The following RBFOX1 variants were observed in gnomAD, a reference collection of about 807,000 sequenced individuals.
RBFOX1 encodes RNA binding protein fox-1 homolog 1.
RBFOX1 carries 8 observed loss-of-function variants against 57.7 expected under a neutral mutation model. The ratio of observed to expected loss-of-function variants is 0.14; its 90% CI spans 0.08 to 0.25. The LOEUF (loss-of-function observed/expected upper bound fraction) is 0.25, where lower values mean the gene tolerates loss of function less well. RBFOX1 is among the 10% of genes least tolerant of loss of function. The pLI, the probability that RBFOX1 is intolerant of heterozygous loss-of-function variation, is 1.00. For synonymous variants in RBFOX1, 326 were observed against 222.4 expected, an observed-to-expected ratio of 1.47 and a Z score of -4.15; for missense variants, 611 against 548.5, an observed-to-expected ratio of 1.11 and a Z score of -1.14.
In RBFOX1 at chr16:6,904,273, C is replaced by A. The variant is rs6500868; in HGVS notation, c.-15-147784C>A. Among the ~76,000 whole-genome samples the A allele has an allele frequency of 3.3e-5, 5 of 152,080 alleles. No homozygotes were observed. In the South Asian group the frequency reaches 1.0e-3, roughly 32 times the overall value. The stretch of plus-strand genomic sequence containing the variant: ...AGGGACTTCTGTTGTTGAACCTGTT[C>A]TCTGTGAGGCACGAGTGGTAGGCTT... On this transcript the variant is annotated intron_variant, in intron 3 of 15. Transcript: ENST00000550418.
intron 1 of RBFOX1, among the ~76,000 whole-genome samples, chr16:5,305,132 G>T (rs1222226274): frequency 6.6e-6 from 1 of 152,160 alleles, no homozygotes; most frequent in Non-Finnish European, 1.5e-5. Flanking sequence ...GTCTGAACGG[G>T]TAGCCTTACA....
At chr16:5,779,043 C>A (rs1215828198) in intron 3 of RBFOX1, among the ~76,000 whole-genome samples, 3 of 152,150 alleles carry the variant, frequency 2.0e-5, no homozygotes, top group Admixed American at 6.5e-5. Flanking sequence ...CAACCTATTA[C>A]TAGAAAAATC....
At chr16:7,344,039 C>T (rs9930601) in intron 4 of RBFOX1, among the ~76,000 whole-genome samples, 3 of 150,658 alleles carry the variant, frequency 2.0e-5, no homozygotes, top group African/African-American at 4.9e-5. Flanking sequence ...AAGCCAATAC[C>T]TTCTACTGGC....
chr16:5,347,139 A>G (rs1161283932), intron 1 of RBFOX1, among the ~76,000 whole-genome samples: 3 of 151,944 alleles, frequency 2.0e-5, no homozygotes, highest in African/African-American at 7.3e-5. Flanking sequence ...GGCACCTGAT[A>G]TCTCCCCTTC....
At chr16:5,292,134 A>G (rs762995836) in intron 1 of RBFOX1, among the ~76,000 whole-genome samples, 4 of 152,212 alleles carry the variant, frequency 2.6e-5, no homozygotes, top group Admixed American at 6.5e-5. Context: ...AAGAAAGCAT[A>G]TTAAATTAAT....
chr16:7,416,733 T>C (rs1439126926), intron 4 of RBFOX1, among the ~76,000 whole-genome samples: 1 of 152,146 alleles, frequency 6.6e-6, no homozygotes, highest in Non-Finnish European at 1.5e-5. Context: ...GGGATGTTTT[T>C]TTTTCTTTCC....
At chr16:6,785,616 A>C (rs1246463959) in intron 3 of RBFOX1, among the ~76,000 whole-genome samples, 1 of 152,168 alleles carries the variant, frequency 6.6e-6, no homozygotes, top group African/African-American at 2.4e-5. Context: ...CTTTGTTTTC[A>C]ACTGCACAAT....
At chr16:7,270,161 C>G (rs2095282966) in intron 4 of RBFOX1, among the ~76,000 whole-genome samples, 1 of 152,160 alleles carries the variant, frequency 6.6e-6, no homozygotes, top group African/African-American at 2.4e-5. Flanking sequence ...GCAATGGGAA[C>G]CTTGAGTCTG....
At chr16:7,455,557 C>T (rs145493031) in intron 4 of RBFOX1, among the ~76,000 whole-genome samples, 47 of 151,766 alleles carry the variant, frequency 3.1e-4, no homozygotes, top group African/African-American at 9.4e-4. Flanking sequence ...ATTGAGAGGC[C>T]GAGGAGGGCA....
chr16:7,533,659 A>T (rs1396587298), intron 5 of RBFOX1, among the ~76,000 whole-genome samples: 2 of 152,220 alleles, frequency 1.3e-5, no homozygotes, highest in Admixed American at 1.3e-4. Context: ...TATCTCATGC[A>T]CTTTATTATG....
At chr16:7,463,557 G>A (rs1249369763) in intron 4 of RBFOX1, among the ~76,000 whole-genome samples, 3 of 152,122 alleles carry the variant, frequency 2.0e-5, no homozygotes, top group Non-Finnish European at 4.4e-5. Flanking sequence ...CCCTTATGAT[G>A]TAATCACCTC....
At chr16:6,624,553 C>A (rs891319774) in intron 2 of RBFOX1, among the ~76,000 whole-genome samples, 3 of 152,100 alleles carry the variant, frequency 2.0e-5, no homozygotes, top group African/African-American at 7.2e-5. Context: ...TGTCCCTTGG[C>A]AGTGAGGACG....
At chr16:6,140,936 A>C (rs1211806948) in intron 1 of RBFOX1, among the ~76,000 whole-genome samples, 1 of 152,216 alleles carries the variant, frequency 6.6e-6, no homozygotes, top group Admixed American at 6.5e-5. Context: ...TCCAGTGGTC[A>C]ATGTGTAGTC....
intron 3 of RBFOX1, among the ~76,000 whole-genome samples, chr16:7,051,003 A>G (rs59018171): frequency 0.018 from 2,793 of 152,256 alleles, 82 homozygotes; most frequent in African/African-American, 0.063. Flanking sequence ...CAAACTTTGT[A>G]TACAAAATGC....
chr16:7,520,422 C>T (rs1242650478), intron 5 of RBFOX1, among the ~76,000 whole-genome samples: 1 of 152,192 alleles, frequency 6.6e-6, no homozygotes, highest in African/African-American at 2.4e-5. Flanking sequence ...AGCAGACACT[C>T]CCCATTCTCC....
chr16:5,577,486 T>A (rs1444100674), intron 2 of RBFOX1, among the ~76,000 whole-genome samples: 1 of 152,128 alleles, frequency 6.6e-6, no homozygotes, highest in Non-Finnish European at 1.5e-5. Flanking sequence ...CCTGTGAGCT[T>A]TTTCCTCCCC....
intron 2 of RBFOX1, among the ~76,000 whole-genome samples, chr16:6,444,618 G>A (rs554856885): frequency 1.2e-4 from 19 of 152,240 alleles, no homozygotes; most frequent in Admixed American, 3.9e-4. Flanking sequence ...ATGTGGAACT[G>A]TAAGTCCATT....
intron 3 of RBFOX1, among the ~76,000 whole-genome samples, chr16:6,892,014 T>G (rs1052210653): frequency 6.6e-6 from 1 of 152,212 alleles, no homozygotes; most frequent in Non-Finnish European, 1.5e-5. Flanking sequence ...AAGAATCTTC[T>G]GTGTTGCCTA....
chr16:5,486,330 G>C (rs373399127), intron 2 of RBFOX1, among the ~76,000 whole-genome samples: 13 of 152,312 alleles, frequency 8.5e-5, no homozygotes, highest in African/African-American at 2.6e-4. Context: ...GTAGCTTCCT[G>C]TTCTCCATCT....
Sources: allele counts gnomAD v4.1 joint callset (sites outside exome capture counted in the v4.1 genomes callset), GRCh38; gene constraint gnomAD v4.1.1; transcripts MANE v1.5; gene names NCBI Gene and HGNC (gene_info 2026-07-23, HGNC 2026-07-21).